The following ATP5PF variants were observed in gnomAD, a reference collection of about 807,000 sequenced individuals.
ATP5PF encodes ATP synthase peripheral stalk subunit F6.
In ATP5PF, 7 loss-of-function variants were observed where a neutral mutation model predicts 12.0. That is an observed-to-expected ratio of 0.58 (90% CI 0.33 to 1.10). ATP5PF has a LOEUF of 1.10. Ranked by LOEUF, ATP5PF falls within the 50% of genes least tolerant of loss-of-function variation. ATP5PF has a pLI of 0.03. For synonymous variants in ATP5PF, 41 were observed against 45.4 expected, an observed-to-expected ratio of 0.90 and a Z score of 0.39; for missense variants, 120 against 127.7, an observed-to-expected ratio of 0.94 and a Z score of 0.29.
chr21:25,734,928 C>T (rs938144187), upstream of ATP5PF: 5 of 1,573,318 alleles, frequency 3.2e-6, no homozygotes, highest in African/African-American at 5.4e-5. Context: ...GCTCCGCCCC[C>T]ACACGCCTAC....
chr21:25,730,733 T>TCACA (rs202147354), intron 1 of ATP5PF, among the ~76,000 whole-genome samples: 3 of 10,614 alleles, frequency 2.8e-4, no homozygotes, highest in Admixed American at 1.6e-3. Context: ...AGACTCCGTC[T>TCACA]CACAAAAAAA....
At chr21:25,731,499 C>G (rs1254848950) in intron 1 of ATP5PF, among the ~76,000 whole-genome samples, 2 of 151,916 alleles carry the variant, frequency 1.3e-5, no homozygotes, top group African/African-American at 4.8e-5. Context: ...ATCCTCCCAC[C>G]TTAGCCTCCC....
chr21:25,732,363 T>A (rs1428145506), intron 1 of ATP5PF, among the ~76,000 whole-genome samples: 5 of 151,498 alleles, frequency 3.3e-5, no homozygotes, highest in Non-Finnish European at 1.5e-5. Flanking sequence ...AAATCTACAA[T>A]GAGCCAGGTG....
At chr21:25,728,698 A>G (rs1473195962) in intron 2 of ATP5PF, among the ~76,000 whole-genome samples, 1 of 152,208 alleles carries the variant, frequency 6.6e-6, no homozygotes, top group Non-Finnish European at 1.5e-5. Flanking sequence ...GAGATTCTCA[A>G]GAGGGATGAG....
chr21:25,732,985 CAAAAAAA>C (rs370858284), intron 1 of ATP5PF, among the ~76,000 whole-genome samples: 8 of 47,804 alleles, frequency 1.7e-4, no homozygotes, highest in African/African-American at 3.3e-4. Context: ...AACTCTGTCT[CAAAAAAA>C]AAAAAAAAAA....
upstream of ATP5PF, chr21:25,734,943 C>T (rs1437793379): frequency 1.9e-6 from 3 of 1,575,636 alleles, no homozygotes; most frequent in South Asian, 1.2e-5. Context: ...GCCTACCCGC[C>T]ATCGCAATGC....
chr21:25,732,726 T>C (rs2034819344), intron 1 of ATP5PF, among the ~76,000 whole-genome samples: 1 of 151,594 alleles, frequency 6.6e-6, no homozygotes, highest in Non-Finnish European at 1.5e-5. Flanking sequence ...AGCACTTTGT[T>C]GTAATCCCAG....
At chr21:25,732,989 A>AAAAT (rs2034835775) in intron 1 of ATP5PF, among the ~76,000 whole-genome samples, 2 of 141,402 alleles carry the variant, frequency 1.4e-5, no homozygotes, top group African/African-American at 5.9e-5. Context: ...CTGTCTCAAA[A>AAAAT]AAAAAAAAAA....
rs1468936369 is a variant in ATP5PF, at chr21:25,734,218, T to TGATA, written c.-8+631_-8+634dup. The TGATA allele has an allele frequency of 4.7e-6, 3 of 641,918 alleles. No individual in the cohort carries two copies. The East Asian group carries it at 4.2e-4, about 90-fold the overall frequency. 39.8% of individuals were successfully genotyped at this position (641,918 alleles called of 1,614,324 possible). On this transcript the variant is annotated intron_variant, in intron 1 of 3. Coordinates refer to ENST00000284971, the MANE Select transcript of ATP5PF (RefSeq NM_001003703.2). The stretch of plus-strand genomic sequence containing the variant: ...TACCATCGGGTGCCACGAGAGCATA[T>TGATA]GATAGCGTCTGACATGATCAGAAAG...
chr21:25,734,899 C>T lies in ATP5PF; in HGVS notation c.-54G>A. The T allele has an allele frequency of 7.7e-6, 12 of 1,560,636 alleles. No homozygotes were observed. Among genetic ancestry groups the T allele is most frequent in the Non-Finnish European group, 1.0e-5 (12 of 1,155,842 alleles). ...CCAAAGCCTCCGCCGCCACCACCTC[C>T]GCTCTACTTCCGGCCCTGGCTCCGC... On this transcript the variant is annotated 5_prime_UTR_variant, in exon 1 of 4. Coordinates refer to ENST00000284971, the MANE Select transcript of ATP5PF (RefSeq NM_001003703.2).
chr21:25,724,669 AT>A lies in ATP5PF; in HGVS notation c.297del (p.Lys99AsnfsTer15). On this transcript the variant is annotated frameshift_variant, in exon 4 of 4. Transcript: ENST00000284971. LOFTEE classifies it high-confidence loss of function. ...GCCTGGGGTTTTTCGATGACTTCAA[AT>A]TTGGGATCTAAGAAGAGGGGGAAAA... ...TFPTFKFEDP[K>X]FEVIEKPQA 6.3e-7 allele frequency: 1 copy of A among 1,597,342 alleles called. No individual in the cohort carries two copies.
chr21:25,730,564 T>C (rs2034735702), intron 1 of ATP5PF, among the ~76,000 whole-genome samples: 1 of 151,504 alleles, frequency 6.6e-6, no homozygotes, highest in African/African-American at 2.4e-5. Flanking sequence ...AGAAACCCTG[T>C]CTCTATTAAA....
intron 2 of ATP5PF, among the ~76,000 whole-genome samples, chr21:25,728,651 T>C (rs771784525): frequency 6.6e-6 from 1 of 152,166 alleles, no homozygotes; most frequent in Admixed American, 6.5e-5. Context: ...TTCACGTTTT[T>C]TTCTTTAAAC....
Position 25,729,685 on chromosome 21 carries a change from T to G in ATP5PF, c.110A>C (p.Asp37Ala). 6.2e-7 allele frequency: 1 copy of G among 1,613,968 alleles called. No individual in the cohort carries two copies. The change falls in exon 2 of 4, where the codon GAT (aspartate) becomes GCT (alanine). Residue 37 changes from aspartate (D) to alanine (A), a missense_variant. Coordinates refer to ENST00000284971, the MANE Select transcript of ATP5PF (RefSeq NM_001003703.2). Reference sequence around the variant, plus strand: ...GTCCACAAAGAGTTTCTGTATAGGATCAAGTTCCTTATTAAATGCCACTGC... The same window carrying G: ...GTCCACAAAGAGTTTCTGTATAGGAGCAAGTTCCTTATTAAATGCCACTGC... ...VTAVAFNKEL[D>A]PIQKLFVDKI...
At position 25,726,999 on chromosome 21, in the gene ATP5PF, T is replaced by G. The variant is rs139868615; in HGVS notation, c.165-1649A>C. Among the ~76,000 whole-genome samples, 912 of 152,362 alleles carry G rather than the reference T, an allele frequency of 6.0e-3. 6 individuals are homozygous for G. The highest frequency in any genetic ancestry group is 9.2e-3 in the Non-Finnish European group (628 of 68,036). On this transcript the variant is annotated intron_variant, in intron 2 of 3. Coordinates refer to ENST00000284971, the MANE Select transcript of ATP5PF (RefSeq NM_001003703.2). ...ATTAGCACTGTCCAATAGACCTTTTTGTGATGTTAGAAACGCTCTCTGTCT... is the reference window on the plus strand; with the variant it reads ...ATTAGCACTGTCCAATAGACCTTTTGGTGATGTTAGAAACGCTCTCTGTCT...
At position 25,734,367 on chromosome 21, in the gene ATP5PF, T is replaced by G; in HGVS notation, c.-8+486A>C. The G allele has an allele frequency of 6.1e-6, 6 of 987,962 alleles. No homozygotes were observed. The South Asian group carries it at 1.8e-4, about 30-fold the overall frequency. 61.2% of individuals were successfully genotyped at this position (987,962 alleles called of 1,614,324 possible). Reference sequence around the variant, plus strand: ...GTTAGTAGGTTCGCTGCCTCTTCAGTGCATATTCCTATGAACAATCCATAA... The same window carrying G: ...GTTAGTAGGTTCGCTGCCTCTTCAGGGCATATTCCTATGAACAATCCATAA... On this transcript the variant is annotated intron_variant, in intron 1 of 3. Transcript: ENST00000284971.
rs1391834158 is a variant in ATP5PF, at chr21:25,734,840, C to T, written c.-8+13G>A. On this transcript the variant is annotated intron_variant, in intron 1 of 3. Coordinates refer to ENST00000284971, the MANE Select transcript of ATP5PF (RefSeq NM_001003703.2). ...CCAAAAGGCCACGCTGATCTAGCTA[C>T]CCTCCCAGTCACCTTGCACTCAGTC... is the stretch of plus-strand genomic sequence containing the variant. 2 of 1,534,850 alleles carry T rather than the reference C, an allele frequency of 1.3e-6. No individual in the cohort carries two copies. The highest frequency in any genetic ancestry group is 1.4e-5 in the African/African-American group (1 of 72,956).
chr21:25,725,480 G>A (rs903564918), intron 2 of ATP5PF, 130 bp from the exon 3 acceptor site: 9 of 1,094,940 alleles, frequency 8.2e-6, no homozygotes, highest in Admixed American at 3.4e-5. Flanking sequence ...TTGCTTGGTC[G>A]CCAGGCTGGA....
At chr21:25,735,159 C>A (rs573839876), upstream of ATP5PF, 1 of 639,074 alleles carries the variant, frequency 1.6e-6, no homozygotes, top group Non-Finnish European at 2.8e-6. Flanking sequence ...TGAAACCTTG[C>A]TCTGTACGCA....
Sources: allele counts gnomAD v4.1 joint callset (sites outside exome capture counted in the v4.1 genomes callset), GRCh38; gene constraint gnomAD v4.1.1; transcripts MANE v1.5; gene names NCBI Gene and HGNC (gene_info 2026-07-23, HGNC 2026-07-21).